The following SNTG1 variants were observed in gnomAD, a reference collection of about 807,000 sequenced individuals.
SNTG1 encodes syntrophin gamma 1.
In SNTG1, 39 loss-of-function variants were observed where a neutral mutation model predicts 74.7. The observed-to-expected ratio is 0.52, with a 90% CI of 0.40 to 0.68. The LOEUF (loss-of-function observed/expected upper bound fraction) is 0.68, where lower values mean the gene tolerates loss of function less well. Ranked by LOEUF, SNTG1 falls within the 30% of genes least tolerant of loss-of-function variation. The pLI, the probability that SNTG1 is intolerant of heterozygous loss-of-function variation, is 0.00. For missense variants in SNTG1, 685 were observed against 609.5 expected, an observed-to-expected ratio of 1.12 and a Z score of -1.30; for synonymous variants, 254 against 217.1, an observed-to-expected ratio of 1.17 and a Z score of -1.49.
chr8:50,753,060 G>C (rs1006703825), intron 18 of SNTG1, among the ~76,000 whole-genome samples: 1 of 151,858 alleles, frequency 6.6e-6, no homozygotes, highest in African/African-American at 2.4e-5. Flanking sequence ...TGTTTCCAGG[G>C]GGTTGCCTCA....
chr8:50,731,039 T>A lies in SNTG1; in HGVS notation c.1285-20962T>A, dbSNP rs192453873. Among the ~76,000 whole-genome samples, 138 of 152,320 alleles carry A rather than the reference T, an allele frequency of 9.1e-4. 2 individuals are homozygous for A. The highest frequency in any genetic ancestry group is 6.8e-3 in the Middle Eastern group (2 of 294). ...TGATCAGGCTCTAATAAATTAAGAA[T>A]CTTGCCCAAAGTCATGTGGCTTATA... On this transcript the variant is annotated intron_variant, in intron 17 of 18. Transcript: ENST00000642720.
chr8:50,651,395 C>T (rs1471839925), intron 13 of SNTG1, among the ~76,000 whole-genome samples: 4 of 152,020 alleles, frequency 2.6e-5, no homozygotes. Context: ...TTTGTTGAAT[C>T]CCTCAAGTTT....
intron 2 of SNTG1, among the ~76,000 whole-genome samples, chr8:50,246,460 C>A (rs1359824733): frequency 2.0e-5 from 3 of 151,710 alleles, no homozygotes; most frequent in Non-Finnish European, 2.9e-5. Flanking sequence ...CCAAGTCAAT[C>A]CACTCTTCTT....
intron 2 of SNTG1, among the ~76,000 whole-genome samples, chr8:50,343,565 T>C (rs994522152): frequency 8.5e-5 from 13 of 152,168 alleles, no homozygotes; most frequent in African/African-American, 3.1e-4. Context: ...TAATGATGTA[T>C]TGGATTTTTA....
chr8:50,043,214 C>T (rs1326106015), intron 1 of SNTG1, among the ~76,000 whole-genome samples: 4 of 152,010 alleles, frequency 2.6e-5, no homozygotes, highest in Non-Finnish European at 4.4e-5. Flanking sequence ...TCTATATTAG[C>T]GAGTCTATAT....
chr8:50,367,087 T>C (rs1184403178), intron 2 of SNTG1, among the ~76,000 whole-genome samples: 3 of 150,812 alleles, frequency 2.0e-5, no homozygotes, highest in East Asian at 2.0e-4. Context: ...CACCCCAGAG[T>C]TGATGATAAT....
chr8:50,464,814 T>C (rs2093595213), intron 8 of SNTG1, among the ~76,000 whole-genome samples: 1 of 151,938 alleles, frequency 6.6e-6, no homozygotes, highest in Non-Finnish European at 1.5e-5. Flanking sequence ...TACAATAATA[T>C]CTGTTAACAT....
chr8:50,495,548 G>T (rs2131910489), intron 8 of SNTG1, among the ~76,000 whole-genome samples: 1 of 150,692 alleles, frequency 6.6e-6, no homozygotes, highest in South Asian at 2.1e-4. Flanking sequence ...ACTTCCAAAA[G>T]TTATGTGATA....
intron 2 of SNTG1, among the ~76,000 whole-genome samples, chr8:50,332,506 C>G (rs1012079174): frequency 6.6e-6 from 1 of 151,786 alleles, no homozygotes; most frequent in South Asian, 2.1e-4. Flanking sequence ...AGGTGTGAAT[C>G]AAGTTTGTTT....
At chr8:50,742,402 A>G (rs769580666) in intron 17 of SNTG1, among the ~76,000 whole-genome samples, 6 of 152,004 alleles carry the variant, frequency 3.9e-5, no homozygotes, top group Non-Finnish European at 5.9e-5. Flanking sequence ...AATGGAAATC[A>G]ACACACTCCT....
intron 1 of SNTG1, among the ~76,000 whole-genome samples, chr8:50,070,388 T>TATC (rs1821264692): frequency 6.6e-6 from 1 of 152,222 alleles, no homozygotes; most frequent in Non-Finnish European, 1.5e-5. Flanking sequence ...AGTGAAAACG[T>TATC]ATCATCCACT....
At chr8:50,341,443 A>G (rs2091314605) in intron 2 of SNTG1, among the ~76,000 whole-genome samples, 2 of 151,970 alleles carry the variant, frequency 1.3e-5, no homozygotes, top group African/African-American at 4.8e-5. Context: ...GTGAGCTAAT[A>G]TGATAATATT....
Position 50,678,164 on chromosome 8 carries a change from TA to T in SNTG1, c.1038+19502del, listed in dbSNP as rs756815563. On this transcript the variant is annotated intron_variant, in intron 15 of 18. Coordinates refer to ENST00000642720, the MANE Select transcript of SNTG1 (RefSeq NM_018967.5). ...ATAATAGTGTTCTTGCTATTTGTGC[TA>T]TTTTTTTTTTAGAATAATATCAAAA... 5.9e-5 allele frequency among the ~76,000 whole-genome samples: 9 copies of T among 151,406 alleles called. No homozygotes were observed. The South Asian group carries it at 1.5e-3, about 24-fold the overall frequency.
intron 2 of SNTG1, among the ~76,000 whole-genome samples, chr8:50,327,617 C>T (rs2090801432): frequency 1.3e-5 from 2 of 152,056 alleles, no homozygotes; most frequent in South Asian, 4.1e-4. Context: ...CTCTGACAAC[C>T]TGTGTTTTAA....
chr8:50,362,458 A>G, intron 2 of SNTG1, among the ~76,000 whole-genome samples: 1 of 152,280 alleles, frequency 6.6e-6, no homozygotes, highest in East Asian at 1.9e-4. Context: ...TACTTCTTTA[A>G]TATCTAAAGT....
At chr8:50,675,139 C>A (rs1051290733) in intron 15 of SNTG1, among the ~76,000 whole-genome samples, 1 of 152,064 alleles carries the variant, frequency 6.6e-6, no homozygotes, top group African/African-American at 2.4e-5. Flanking sequence ...AATGTATTTT[C>A]TGCTGATTTG....
At chr8:49,959,930 T>C (rs960856801) in intron 1 of SNTG1, among the ~76,000 whole-genome samples, 2 of 152,220 alleles carry the variant, frequency 1.3e-5, no homozygotes, top group Non-Finnish European at 2.9e-5. Flanking sequence ...TTAACCCTTA[T>C]GCTTTTGAGA....
chr8:49,977,239 ACTT>A (rs944687862), intron 1 of SNTG1, among the ~76,000 whole-genome samples: 13 of 152,200 alleles, frequency 8.5e-5, no homozygotes, highest in African/African-American at 2.6e-4. Flanking sequence ...AGCATGTTTA[ACTT>A]CTTGTGCTAG....
intron 13 of SNTG1, among the ~76,000 whole-genome samples, chr8:50,627,012 T>A (rs2094961013): frequency 6.6e-6 from 1 of 152,214 alleles, no homozygotes; most frequent in African/African-American, 2.4e-5. Context: ...TGTTGATGTT[T>A]TTATTTGTGT....
Sources: gnomAD v4.1 joint callset for allele counts (sites outside exome capture counted in the v4.1 genomes callset) on GRCh38, gnomAD v4.1.1 for gene constraint, MANE v1.5 for transcripts, NCBI Gene and HGNC (gene_info 2026-07-23, HGNC 2026-07-21) for gene names.